The following SCRN1 variants were observed in gnomAD, a reference collection of about 807,000 sequenced individuals.
The protein encoded by SCRN1 is secernin-1.
Under a neutral mutation model 43.3 loss-of-function variants are expected in SCRN1, and 19 were observed. The observed-to-expected ratio is 0.44, with a 90% CI of 0.31 to 0.64. The LOEUF is 0.64. Ranked by LOEUF, SCRN1 falls within the 30% of genes least tolerant of loss-of-function variation. The probability of loss-of-function intolerance (pLI) is 0.09; values close to 1 mark genes in which losing one functional copy is unlikely to be tolerated. For synonymous variants in SCRN1, 183 were observed against 188.9 expected (o/e 0.97, Z 0.26); for missense variants, 447 against 524.1 (o/e 0.85, Z 1.44).
rs185573788 is a variant in SCRN1 at position 29,968,241 on chromosome 7, A to G, written c.159+668T>C. Among the ~76,000 whole-genome samples the G allele has an allele frequency of 3.3e-5, 5 of 152,346 alleles. No homozygotes were observed. The East Asian group carries it at 9.6e-4, about 29-fold the overall frequency. On this transcript the variant is annotated intron_variant, in intron 2 of 7. Coordinates refer to ENST00000242059, the MANE Select transcript of SCRN1 (RefSeq NM_014766.5). Reference sequence around the variant, plus strand: ...AAAACAATCCAAATGTCCAGCAGTAATATGGGGCTGGTTAACTATGATACA... The same window carrying G: ...AAAACAATCCAAATGTCCAGCAGTAGTATGGGGCTGGTTAACTATGATACA...
chr7:29,957,722 T>C (rs1788179237), intron 2 of SCRN1, among the ~76,000 whole-genome samples: 4 of 152,166 alleles, frequency 2.6e-5, no homozygotes, highest in African/African-American at 9.7e-5. Flanking sequence ...CATGGTCCGC[T>C]AGAGGCTGTA....
intron 3 of SCRN1, among the ~76,000 whole-genome samples, chr7:29,951,758 ACAT>A (rs1350305632): frequency 6.6e-6 from 1 of 152,254 alleles, no homozygotes; most frequent in Admixed American, 6.5e-5. Context: ...CCTAATGCTT[ACAT>A]TCCCACAAGC....
intron 5 of SCRN1, among the ~76,000 whole-genome samples, chr7:29,939,165 A>G (rs374859950): frequency 1.2e-4 from 18 of 152,282 alleles, no homozygotes; most frequent in African/African-American, 4.3e-4. Context: ...TGCTATAGCA[A>G]AAGTCCTAAA....
rs1436751860 is a variant in SCRN1 at position 29,926,616 on chromosome 7, A to G, written c.922T>C (p.Phe308Leu). 6.2e-7 allele frequency: 1 copy of G among 1,614,034 alleles called. No homozygotes were observed. The stretch of plus-strand genomic sequence containing the variant: ...AGTTTTACGTCATCAACAAAGATGA[A>G]AGGCTTGAATATGGACCTGGAGAGG... ...PDPSRSIFKPFIFVDDVKLVP... is the reference protein window; with the variant it reads ...PDPSRSIFKPLIFVDDVKLVP... Residue 308 changes from phenylalanine (F) to leucine (L), a missense_variant, in exon 7 of 8, where the codon TTC becomes CTC. Physicochemically the swap from Phe to Leu is conservative, Grantham distance 22. Transcript: ENST00000242059.
chr7:29,986,076 A>C (rs1365985310), intron 1 of SCRN1, among the ~76,000 whole-genome samples: 1 of 152,186 alleles, frequency 6.6e-6, no homozygotes, highest in East Asian at 1.9e-4. Flanking sequence ...CTCTACTAAA[A>C]ATACAAAAGT....
At chr7:29,956,424 T>C (rs1310626140) in intron 2 of SCRN1, among the ~76,000 whole-genome samples, 1 of 152,218 alleles carries the variant, frequency 6.6e-6, no homozygotes, top group Non-Finnish European at 1.5e-5. Context: ...TACACAGTGC[T>C]CTGGAGCTCT....
At chr7:29,927,895 T>C (rs907676114) in intron 6 of SCRN1, among the ~76,000 whole-genome samples, 2 of 151,928 alleles carry the variant, frequency 1.3e-5, no homozygotes, top group Non-Finnish European at 2.9e-5. Context: ...CTGGGGCAGG[T>C]GGATCACTTG....
In SCRN1 at chr7:29,921,053, A is replaced by G. The variant is rs1198222438; in HGVS notation, c.*2904T>C. 2 of 152,622 alleles carry G rather than the reference A, an allele frequency of 1.3e-5. No individual in the cohort carries two copies. The highest frequency in any genetic ancestry group is 2.9e-5 in the Non-Finnish European group (2 of 68,032). 9.5% of individuals were successfully genotyped at this position (152,622 alleles called of 1,614,324 possible). Reference sequence around the variant, plus strand: ...GCTTCTGTCCTTGAATATGAGGGCTATCTTCACCTATAGTAAATCCCATCT... The same window carrying G: ...GCTTCTGTCCTTGAATATGAGGGCTGTCTTCACCTATAGTAAATCCCATCT... On this transcript the variant is annotated 3_prime_UTR_variant, in exon 8 of 8. Transcript: ENST00000242059.
intron 2 of SCRN1, 122 bp downstream of exon 2, chr7:29,968,787 A>G (rs994836999): frequency 1.6e-6 from 2 of 1,215,862 alleles, no homozygotes; most frequent in Non-Finnish European, 2.3e-6. Context: ...AACAGGAATC[A>G]GCAGAACTGA....
chr7:29,948,399 T>G (rs914110721), intron 3 of SCRN1, among the ~76,000 whole-genome samples: 2 of 152,240 alleles, frequency 1.3e-5, no homozygotes, highest in African/African-American at 4.8e-5. Context: ...CAGGAAATAG[T>G]AACTCTGATT....
chr7:29,953,780 G>A (rs756084440), intron 3 of SCRN1, among the ~76,000 whole-genome samples: 2 of 152,056 alleles, frequency 1.3e-5, no homozygotes, highest in African/African-American at 2.4e-5. Flanking sequence ...GTGAGTTCCC[G>A]AGACCACTGT....
At position 29,973,021 on chromosome 7, in the gene SCRN1, G is replaced by C. The variant is rs144141595; in HGVS notation, c.-1-3953C>G. On this transcript the variant is annotated intron_variant, in intron 1 of 7. Coordinates refer to ENST00000242059, the MANE Select transcript of SCRN1 (RefSeq NM_014766.5). ...GAAGATTTTCATATTAAGGCTTCCA[G>C]TGATCTCAGAAGTTCTTGTTTGTGA... Among the ~76,000 whole-genome samples the C allele has an allele frequency of 1.3e-4, 20 of 152,342 alleles. No homozygotes were observed. The East Asian group carries it at 3.9e-3, about 29-fold the overall frequency.
chr7:29,989,911 C>G, upstream of SCRN1: 3 of 1,121,284 alleles, frequency 2.7e-6, no homozygotes, highest in Non-Finnish European at 3.3e-6. Flanking sequence ...GCACCCCGCG[C>G]GTCTGGCTGC....
chr7:29,934,581 G>C (rs1225950332), intron 6 of SCRN1, among the ~76,000 whole-genome samples: 1 of 152,218 alleles, frequency 6.6e-6, no homozygotes, highest in Non-Finnish European at 1.5e-5. Flanking sequence ...AGCATTAGGG[G>C]AGCAAACTAG....
intron 1 of SCRN1, among the ~76,000 whole-genome samples, chr7:29,986,005 C>A (rs535375223): frequency 3.2e-4 from 48 of 152,318 alleles, no homozygotes; most frequent in African/African-American, 1.1e-3. Flanking sequence ...GAGGCCGAGG[C>A]GGGCAGATCA....
chr7:29,937,575 C>T (rs577104433), intron 5 of SCRN1, among the ~76,000 whole-genome samples: 10 of 152,182 alleles, frequency 6.6e-5, no homozygotes, highest in Non-Finnish European at 1.0e-4. Context: ...GCACAGTCCA[C>T]CAAACTCGCT....
intron 2 of SCRN1, among the ~76,000 whole-genome samples, chr7:29,959,629 G>A (rs1788242701): frequency 1.3e-5 from 2 of 152,026 alleles, no homozygotes; most frequent in Admixed American, 6.6e-5. Context: ...ACTGGTTTTA[G>A]GAAATGTATT....
At chr7:29,988,082 G>T (rs1272624752) in intron 1 of SCRN1, among the ~76,000 whole-genome samples, 3 of 152,124 alleles carry the variant, frequency 2.0e-5, no homozygotes, top group Middle Eastern at 3.2e-3. Context: ...CACCTTTCAA[G>T]AATTTCCCAT....
At position 29,978,347 on chromosome 7, in the gene SCRN1, C is replaced by G. The variant is rs933072836; in HGVS notation, c.-1-9279G>C. On this transcript the variant is annotated intron_variant, in intron 1 of 7. Coordinates refer to ENST00000242059, the MANE Select transcript of SCRN1 (RefSeq NM_014766.5). ...ATCTGGCAACACCAAATCCACATTC[C>G]CGCATGATGGCAAGACTGGAGTTGG... 2.8e-4 allele frequency among the ~76,000 whole-genome samples: 43 copies of G among 152,208 alleles called. 1 individual carries two copies. Among genetic ancestry groups the G allele is most frequent in the African/African-American group, 1.0e-3 (42 of 41,458 alleles).
Sources: gnomAD v4.1 joint callset for allele counts (sites outside exome capture counted in the v4.1 genomes callset) on GRCh38, gnomAD v4.1.1 for gene constraint, MANE v1.5 for transcripts, NCBI Gene and HGNC (gene_info 2026-07-23, HGNC 2026-07-21) for gene names.